The following STRIP2 variants were observed in gnomAD, a reference collection of about 807,000 sequenced individuals.
STRIP2 encodes striatin-interacting protein 2.
STRIP2 carries 84 observed loss-of-function variants against 107.1 expected under a neutral mutation model. The ratio of observed to expected loss-of-function variants is 0.78; its 90% CI spans 0.66 to 0.94. The LOEUF (loss-of-function observed/expected upper bound fraction) is 0.94. Among genes scored for constraint, STRIP2 ranks in the 40% least tolerant of loss-of-function variants. The pLI, the probability that STRIP2 is intolerant of heterozygous loss-of-function variation, is 0.00. For missense variants in STRIP2, 888 were observed against 1,034.2 expected, an observed-to-expected ratio of 0.86 and a Z score of 1.94; for synonymous variants, 394 against 400.4, an observed-to-expected ratio of 0.98 and a Z score of 0.19.
At chr7:129,472,759 A>AATTTT (rs1798817538) in intron 18 of STRIP2, among the ~76,000 whole-genome samples, 3 of 137,324 alleles carry the variant, frequency 2.2e-5, no homozygotes, top group African/African-American at 8.1e-5. Context: ...GAATATATAG[A>AATTTT]ATTTTCTTTT....
At position 129,455,340 on chromosome 7, in the gene STRIP2, A is replaced by C; in HGVS notation, c.803A>C (p.Lys268Thr). 6.2e-7 allele frequency: 1 copy of C among 1,613,920 alleles called. No individual in the cohort carries two copies. The highest frequency in any genetic ancestry group is 8.5e-7 in the Non-Finnish European group (1 of 1,179,930). ...CTGGCTCCTCACTTCCCCATAAAGA[A>C]GGTCCTGCTCCTGCTCTGGAAGGTG... is the stretch of plus-strand genomic sequence containing the variant. Reference protein sequence around the residue: ...SGLAPHFPIKKVLLLLWKVVM... With the variant: ...SGLAPHFPIKTVLLLLWKVVM... The change falls in exon 8 of 21, where the codon AAG (lysine) becomes ACG (threonine). Residue 268 changes from lysine to threonine, a missense_variant. Physicochemically the swap from Lys to Thr is moderately conservative, Grantham distance 78 (BLOSUM62 -1). Coordinates refer to ENST00000249344, the MANE Select transcript of STRIP2 (RefSeq NM_020704.3).
chr7:129,434,593 G>C lies in STRIP2; in HGVS notation c.121G>C (p.Glu41Gln). The C allele has an allele frequency of 6.6e-7, 1 of 1,505,944 alleles. No individual in the cohort carries two copies. The highest frequency in any genetic ancestry group is 1.4e-5 in the African/African-American group (1 of 69,578). 93.3% of individuals were successfully genotyped at this position (1,505,944 alleles called of 1,614,324 possible). The change falls in exon 1 of 21, where the codon GAG (glutamate) becomes CAG (glutamine). Residue 41 changes from glutamate to glutamine, a missense_variant. By Grantham distance (29) the Glu-to-Gln change is conservative. Transcript: ENST00000249344. ...CGAAGCGTTCCGAAGCCAGCGGCGG[G>C]AGTCAGAGGTGAGGAGCCCGGAAAG... ...GREAFRSQRR[E>Q]SEGSVDCPTL...
chr7:129,476,668 A>G (rs943126266), intron 18 of STRIP2, among the ~76,000 whole-genome samples: 12 of 147,082 alleles, frequency 8.2e-5, no homozygotes, highest in Non-Finnish European at 1.5e-5. Flanking sequence ...GCGGCCGGGA[A>G]GAGGCACTCC....
intron 3 of STRIP2, among the ~76,000 whole-genome samples, chr7:129,446,779 C>A (rs1280554147): frequency 6.6e-6 from 1 of 152,156 alleles, no homozygotes; most frequent in African/African-American, 2.4e-5. Flanking sequence ...GCCTTCAGGA[C>A]CTGCTTGAGC....
chr7:129,454,647 G>A, intron 7 of STRIP2, 120 bp downstream of exon 7: 1 of 672,176 alleles, frequency 1.5e-6, no homozygotes, highest in Non-Finnish European at 2.6e-6. Flanking sequence ...TAAAATTAAT[G>A]TCCTTTCTTT....
At chr7:129,443,144 G>A (rs769744446) in intron 2 of STRIP2, among the ~76,000 whole-genome samples, 5 of 150,518 alleles carry the variant, frequency 3.3e-5, no homozygotes, top group East Asian at 3.9e-4. Context: ...AAGCTCAAAC[G>A]ATCCTCCACC....
Position 129,482,945 on chromosome 7 carries a change from AGT to A in STRIP2, c.2154_2155del (p.Tyr719ProfsTer27). On this transcript the variant is annotated frameshift_variant, in exon 20 of 21. Coordinates refer to ENST00000249344, the MANE Select transcript of STRIP2 (RefSeq NM_020704.3). LOFTEE classifies it high-confidence loss of function. ...CTAAAGCTACTAAAGTTACAGACCA[AGT>A]ACCTGGGGCGCCAATGGAGGAAAAG... 2 of 1,614,220 alleles carry A rather than the reference AGT, an allele frequency of 1.2e-6. No homozygotes were observed. The highest frequency in any genetic ancestry group is 1.7e-6 in the Non-Finnish European group (2 of 1,180,032).
At position 129,464,027 on chromosome 7, in the gene STRIP2, T is replaced by A; in HGVS notation, c.1552-17T>A. The A allele has an allele frequency of 6.2e-7, 1 of 1,607,734 alleles. No individual in the cohort carries two copies. On this transcript the variant is annotated splice_polypyrimidine_tract_variant and intron_variant, in intron 14 of 20. Coordinates refer to ENST00000249344, the MANE Select transcript of STRIP2 (RefSeq NM_020704.3). ...TGGGTTTGACAGTGGTAAATTTCTT[T>A]ATTTTCTACTTCTCAGATCGCTCTG...
At position 129,482,958 on chromosome 7, in the gene STRIP2, C is replaced by G; in HGVS notation, c.2166C>G (p.Arg722=). The part of the protein sequence containing the change: ...LLKLQTKYLG[R]QWRKSNMKTM... ...AGTTACAGACCAAGTACCTGGGGCG[C>G]CAATGGAGGAAAAGCAACATGAAAA... The change falls in exon 20 of 21, where the codon CGC becomes CGG. Residue 722 remains arginine, a synonymous_variant. Transcript: ENST00000249344. The G allele has an allele frequency of 6.2e-7, 1 of 1,614,084 alleles. No individual in the cohort carries two copies. The highest frequency in any genetic ancestry group is 8.5e-7 in the Non-Finnish European group (1 of 1,180,036).
intron 3 of STRIP2, among the ~76,000 whole-genome samples, chr7:129,448,631 GATTA>G (rs1798100075): frequency 6.6e-6 from 1 of 152,174 alleles, no homozygotes. Flanking sequence ...GAAACACTGT[GATTA>G]ATTAGCCAAT....
chr7:129,434,481 C>A lies in STRIP2; in HGVS notation c.9C>A (p.Asp3Glu). 2 of 1,513,710 alleles carry A rather than the reference C, an allele frequency of 1.3e-6. No homozygotes were observed. 93.8% of individuals were successfully genotyped at this position (1,513,710 alleles called of 1,614,324 possible). The change falls in exon 1 of 21, where the codon GAC becomes GAA. Residue 3 changes from aspartate (D) to glutamate (E), a missense_variant. Physicochemically the swap from Asp to Glu is conservative, Grantham distance 45 (BLOSUM62 2). Coordinates refer to ENST00000249344, the MANE Select transcript of STRIP2 (RefSeq NM_020704.3). Reference sequence around the variant, plus strand: ...AGCCGCTGACCAGCAGCATGGAGGACCCCGCCGCGCCTGGGACCGGGGGCC... The same window carrying A: ...AGCCGCTGACCAGCAGCATGGAGGAACCCGCCGCGCCTGGGACCGGGGGCC... ME[D>E]PAAPGTGGPP...
intron 18 of STRIP2, among the ~76,000 whole-genome samples, chr7:129,474,417 T>G (rs780124437): frequency 3.3e-5 from 5 of 152,242 alleles, no homozygotes; most frequent in Admixed American, 6.5e-5. Flanking sequence ...TCCTCCTGCC[T>G]TGGCCTCTCA....
rs1797684852 is a variant in STRIP2 at position 129,434,732 on chromosome 7, G to A, written c.129+131G>A. 1.3e-5 allele frequency: 15 copies of A among 1,131,368 alleles called. No individual in the cohort carries two copies. The South Asian group carries it at 2.8e-4, about 21-fold the overall frequency. 70.1% of individuals were successfully genotyped at this position (1,131,368 alleles called of 1,614,324 possible). On this transcript the variant is annotated intron_variant, in intron 1 of 20. Transcript: ENST00000249344. ...CAGCCCCGCGCAGTGGGCGCCTGCG[G>A]GGTCCTAGCGGCTGAACTCTGGGCT...
intron 16 of STRIP2, among the ~76,000 whole-genome samples, chr7:129,465,505 A>G (rs1231096816): frequency 6.6e-6 from 1 of 152,198 alleles, no homozygotes; most frequent in Non-Finnish European, 1.5e-5. Flanking sequence ...AGCTGGAGGA[A>G]TCGGCAAGGA....
chr7:129,478,730 T>C (rs1799037659), intron 18 of STRIP2, among the ~76,000 whole-genome samples: 1 of 152,146 alleles, frequency 6.6e-6, no homozygotes, highest in Non-Finnish European at 1.5e-5. Context: ...TTCAACCTTC[T>C]ACAGGAAACA....
chr7:129,485,356 A>G (rs1330699301), intron 20 of STRIP2, among the ~76,000 whole-genome samples: 1 of 151,120 alleles, frequency 6.6e-6, no homozygotes, highest in Non-Finnish European at 1.5e-5. Context: ...CCTTCCAAAG[A>G]TAATTTCTGC....
chr7:129,466,909 T>C (rs1798683540), intron 16 of STRIP2, among the ~76,000 whole-genome samples: 1 of 152,198 alleles, frequency 6.6e-6, no homozygotes, highest in East Asian at 1.9e-4. Context: ...ATTTGGTTAT[T>C]ATGTGCTGTC....
At position 129,483,999 on chromosome 7, in the gene STRIP2, G is replaced by A. The variant is rs1449913339; in HGVS notation, c.2254+953G>A. ...GGGCTCAAGGGATCCTCCTGCCCTG[G>A]CCTCCCAAAGTGCTGGGATTACAGG... is the stretch of plus-strand genomic sequence containing the variant. On this transcript the variant is annotated intron_variant, in intron 20 of 20. Coordinates refer to ENST00000249344, the MANE Select transcript of STRIP2 (RefSeq NM_020704.3). This position sits in a 1 kb window ranked among gnomAD's most constrained non-coding sequence, Gnocchi z 5.1. Among the ~76,000 whole-genome samples the A allele has an allele frequency of 6.6e-6, 1 of 152,124 alleles. No individual in the cohort carries two copies. Among genetic ancestry groups the A allele is most frequent in the Admixed American group, 6.5e-5 (1 of 15,276 alleles).
In STRIP2 at chr7:129,456,488, G is replaced by A. The variant is rs773550980; in HGVS notation, c.884G>A (p.Arg295Gln). The change falls in exon 9 of 21, where the codon CGG becomes CAG. Residue 295 changes from arginine to glutamine, a missense_variant. Coordinates refer to ENST00000249344, the MANE Select transcript of STRIP2 (RefSeq NM_020704.3). ...CTGCAGACTCTCAAAGTACAGAAGC[G>A]GGCAGAATTGGGCCTGCCTCCACTG... ...EHLQTLKVQKRAELGLPPLAE... is the reference protein window; with the variant it reads ...EHLQTLKVQKQAELGLPPLAE... 26 of 1,613,938 alleles carry A rather than the reference G, an allele frequency of 1.6e-5. No individual in the cohort carries two copies. The highest frequency in any genetic ancestry group is 5.0e-5 in the Admixed American group (3 of 59,988).
Sources: allele counts gnomAD v4.1 joint callset (sites outside exome capture counted in the v4.1 genomes callset), GRCh38; gene constraint gnomAD v4.1.1; non-coding constraint Gnocchi (gnomAD v3.1); transcripts MANE v1.5; gene names NCBI Gene and HGNC (gene_info 2026-07-23, HGNC 2026-07-21).